The following DPYSL2 variants were observed in gnomAD, a reference collection of about 807,000 sequenced individuals.
DPYSL2 encodes dihydropyrimidinase like 2, also known as dihydropyrimidinase-related protein 2.
Under a neutral mutation model 69.9 loss-of-function variants are expected in DPYSL2, and 13 were observed. The ratio of observed to expected loss-of-function variants is 0.19; its 90% CI spans 0.12 to 0.30. The LOEUF (loss-of-function observed/expected upper bound fraction) is 0.30, where lower values mean the gene tolerates loss of function less well. Ranked by LOEUF, DPYSL2 falls within the 10% of genes least tolerant of loss-of-function variation. DPYSL2 has a pLI of 1.00. For synonymous variants in DPYSL2, 326 were observed against 359.1 expected, an observed-to-expected ratio of 0.91 and a Z score of 1.04; for missense variants, 587 against 918.9, an observed-to-expected ratio of 0.64 and a Z score of 4.67.
At chr8:26,547,453 C>CA (rs1014607063) in intron 1 of DPYSL2, among the ~76,000 whole-genome samples, 1 of 151,926 alleles carries the variant, frequency 6.6e-6, no homozygotes, top group Admixed American at 6.6e-5. Context: ...CACCCTTCAA[C>CA]AAAAAATTAC....
chr8:26,596,822 A>G (rs778294836), intron 3 of DPYSL2, among the ~76,000 whole-genome samples: 1 of 152,148 alleles, frequency 6.6e-6, no homozygotes, highest in Non-Finnish European at 1.5e-5. Context: ...TGCGAGAGGA[A>G]CGTTTGTTTT....
chr8:26,600,426 G>A (rs534765291), intron 3 of DPYSL2, among the ~76,000 whole-genome samples: 2 of 152,214 alleles, frequency 1.3e-5, no homozygotes, highest in Non-Finnish European at 2.9e-5. Flanking sequence ...GTGTGGGAGG[G>A]CCCCGGTTTC....
chr8:26,575,372 T>C (rs1801310964), intron 1 of DPYSL2, among the ~76,000 whole-genome samples: 1 of 151,744 alleles, frequency 6.6e-6, no homozygotes, highest in South Asian at 2.1e-4. Flanking sequence ...TTCACCTTCA[T>C]CAGTGCAAAG....
chr8:26,576,796 C>T (rs1451224203), intron 1 of DPYSL2, among the ~76,000 whole-genome samples: 2 of 152,222 alleles, frequency 1.3e-5, no homozygotes, highest in African/African-American at 4.8e-5. Context: ...CTCATCTCCT[C>T]CTCTCCGCCC....
At position 26,621,642 on chromosome 8, in the gene DPYSL2, T is replaced by C. The variant is rs988892110; in HGVS notation, c.629-2501T>C. 6.6e-6 allele frequency among the ~76,000 whole-genome samples: 1 copy of C among 152,020 alleles called. No homozygotes were observed. Among genetic ancestry groups the C allele is most frequent in the African/African-American group, 2.4e-5 (1 of 41,384 alleles). ...CAGAAACGATGCCACCCTGGGATGG[T>C]GACATATAGCCCCAGTGAGAAGGAT... On this transcript the variant is annotated intron_variant, in intron 3 of 13. Transcript: ENST00000521913. The surrounding 1 kb of genome is among the most constrained non-coding windows in gnomAD (Gnocchi z 4.9).
In DPYSL2 at chr8:26,621,520, A is replaced by G. The variant is rs1479590456; in HGVS notation, c.629-2623A>G. Among the ~76,000 whole-genome samples the G allele has an allele frequency of 6.6e-6, 1 of 152,162 alleles. No individual in the cohort carries two copies. Among genetic ancestry groups the G allele is most frequent in the Non-Finnish European group, 1.5e-5 (1 of 68,036 alleles). The stretch of plus-strand genomic sequence containing the variant: ...AAATATTCCATCACTTATTTAGAGC[A>G]TTCATTTGGCTCTTCCCTGATCTAG... On this transcript the variant is annotated intron_variant, in intron 3 of 13. Transcript: ENST00000521913. The surrounding 1 kb of genome is among the most constrained non-coding windows in gnomAD (Gnocchi z 4.9).
At chr8:26,534,824 A>T (rs1385558239) in intron 1 of DPYSL2, among the ~76,000 whole-genome samples, 5 of 151,618 alleles carry the variant, frequency 3.3e-5, no homozygotes, top group South Asian at 2.1e-4. Context: ...TTTTGTTGAG[A>T]TGGGGTCTAT....
chr8:26,550,445 A>T (rs1800855949), intron 1 of DPYSL2, among the ~76,000 whole-genome samples: 1 of 152,246 alleles, frequency 6.6e-6, no homozygotes, highest in Admixed American at 6.5e-5. Flanking sequence ...TCCAACTATC[A>T]ATAATCACTT....
rs896680961 is a variant in DPYSL2 at position 26,643,691 on chromosome 8, A to G, written c.1283+96A>G. 2.2e-5 allele frequency: 35 copies of G among 1,563,148 alleles called. No homozygotes were observed. Among genetic ancestry groups the G allele is most frequent in the Non-Finnish European group, 2.8e-5 (32 of 1,141,336 alleles). ...AACAACATGGTGGCCAAGAGCAGCC[A>G]TAAAACTGGGAGACCCTTGTTCACC... On this transcript the variant is annotated intron_variant, in intron 9 of 13. Transcript: ENST00000521913. This position sits in a 1 kb window ranked among gnomAD's most constrained non-coding sequence, Gnocchi z 6.5.
Position 26,564,623 on chromosome 8 carries a change from G to A in DPYSL2, c.355-17346G>A, listed in dbSNP as rs374999348. 2.5e-4 allele frequency among the ~76,000 whole-genome samples: 38 copies of A among 152,268 alleles called. No individual in the cohort carries two copies. The highest frequency in any genetic ancestry group is 7.9e-4 in the African/African-American group (33 of 41,552). ...AGCCAGACTGAGCTCATGAGAACACGATTGAGGATGACCCAGGAAGCATGG... is the reference window on the plus strand; with the variant it reads ...AGCCAGACTGAGCTCATGAGAACACAATTGAGGATGACCCAGGAAGCATGG... On this transcript the variant is annotated intron_variant, in intron 1 of 13. Transcript: ENST00000521913. The surrounding 1 kb of genome is among the most constrained non-coding windows in gnomAD (Gnocchi z 4.8).
intron 1 of DPYSL2, chr8:26,578,483 A>G: frequency 6.9e-7 from 1 of 1,447,678 alleles, no homozygotes. Context: ...TAGAAGTCGC[A>G]TCGTTTGCAA....
intron 1 of DPYSL2, among the ~76,000 whole-genome samples, chr8:26,558,859 A>G (rs1256442676): frequency 6.6e-6 from 1 of 152,248 alleles, no homozygotes; most frequent in Admixed American, 6.5e-5. Flanking sequence ...TGTTGCACAC[A>G]TTAAAAAATT....
chr8:26,573,131 G>C (rs1320569032), intron 1 of DPYSL2, among the ~76,000 whole-genome samples: 2 of 152,222 alleles, frequency 1.3e-5, no homozygotes, highest in Non-Finnish European at 2.9e-5. Context: ...GGCAGCTACA[G>C]CCCCGCAGAG....
Position 26,560,206 on chromosome 8 carries a change from G to A in DPYSL2, c.355-21763G>A, listed in dbSNP as rs1302239511. Among the ~76,000 whole-genome samples the A allele has an allele frequency of 1.3e-5, 2 of 152,186 alleles. No individual in the cohort carries two copies. Among genetic ancestry groups the A allele is most frequent in the African/African-American group, 4.8e-5 (2 of 41,444 alleles). On this transcript the variant is annotated intron_variant, in intron 1 of 13. Transcript: ENST00000521913. This position sits in a 1 kb window ranked among gnomAD's most constrained non-coding sequence, Gnocchi z 4.4. ...GGCAGCTCACTCTGCCTGAACCTGG[G>A]TGGCAGGGGCTGCATGTTTAGAACT...
intron 3 of DPYSL2, among the ~76,000 whole-genome samples, chr8:26,602,768 C>G (rs1356897285): frequency 6.6e-6 from 1 of 152,224 alleles, no homozygotes; most frequent in East Asian, 1.9e-4. Flanking sequence ...TTGCAAAAAA[C>G]TTCTTGTCTA....
chr8:26,646,992 TA>T (rs58361153), intron 10 of DPYSL2, among the ~76,000 whole-genome samples: 5,295 of 143,236 alleles, frequency 0.037, 290 homozygotes, highest in African/African-American at 0.12. Flanking sequence ...AAAAAAAGAT[TA>T]AAAAAAAAAA....
chr8:26,577,909 CA>C, intron 1 of DPYSL2: 1 of 1,151,864 alleles, frequency 8.7e-7, no homozygotes, highest in South Asian at 2.0e-5. Context: ...GCTGGCGGCG[CA>C]TGCGCCACGG....
chr8:26,646,474 T>C (rs933957694), intron 10 of DPYSL2, among the ~76,000 whole-genome samples: 1 of 152,240 alleles, frequency 6.6e-6, no homozygotes, highest in African/African-American at 2.4e-5. Context: ...ATTTTGTGTC[T>C]TATTGTTTTA....
At chr8:26,551,729 GCT>G (rs1800877627) in intron 1 of DPYSL2, among the ~76,000 whole-genome samples, 1 of 152,130 alleles carries the variant, frequency 6.6e-6, no homozygotes. Flanking sequence ...TACAAAGTAA[GCT>G]CTCAGACCAC....
Sources: allele counts gnomAD v4.1 joint callset (sites outside exome capture counted in the v4.1 genomes callset), GRCh38; gene constraint gnomAD v4.1.1; non-coding constraint Gnocchi (gnomAD v3.1); transcripts MANE v1.5; gene names NCBI Gene and HGNC (gene_info 2026-07-23, HGNC 2026-07-21).